PLEKHA5: variants seen among roughly 807,000 people sequenced by gnomAD.
The protein encoded by PLEKHA5 is pleckstrin homology domain-containing family A member 5.
In PLEKHA5, 55 loss-of-function variants were observed where a neutral mutation model predicts 181.9. The ratio of observed to expected loss-of-function variants is 0.30; its 90% CI spans 0.24 to 0.38. The LOEUF is 0.38. Among genes scored for constraint, PLEKHA5 ranks in the 10% least tolerant of loss-of-function variants. PLEKHA5 has a pLI of 1.00. For synonymous variants in PLEKHA5, 535 were observed against 529.4 expected, an observed-to-expected ratio of 1.01 and a Z score of -0.15; for missense variants, 1,432 against 1,549.5, an observed-to-expected ratio of 0.92 and a Z score of 1.27.
intron 3 of PLEKHA5, among the ~76,000 whole-genome samples, chr12:19,145,788 A>T (rs1186125051): frequency 6.6e-6 from 1 of 152,102 alleles, no homozygotes; most frequent in African/African-American, 2.4e-5. Context: ...TAAAACAACT[A>T]TTTAGATGTG....
At chr12:19,183,095 A>G (rs747363534) in intron 3 of PLEKHA5, among the ~76,000 whole-genome samples, 1 of 152,254 alleles carries the variant, frequency 6.6e-6, no homozygotes, top group Non-Finnish European at 1.5e-5. Context: ...GTTAACTTAA[A>G]GGAGATTAAA....
rs114997786 is a variant in PLEKHA5 at position 19,282,834 on chromosome 12, C to A, written c.1314-446C>A. 6.1e-3 allele frequency among the ~76,000 whole-genome samples: 931 copies of A among 152,000 alleles called. 4 individuals are homozygous for A. The highest frequency in any genetic ancestry group is 0.021 in the African/African-American group (881 of 41,440). On this transcript the variant is annotated intron_variant, in intron 11 of 31. Coordinates refer to ENST00000429027, the MANE Select transcript of PLEKHA5 (RefSeq NM_001256470.2). Reference sequence around the variant, plus strand: ...TTATCTTGTATTAAGTGTGTTAAATCGAATTTCATTAAAAAGATTAAAATC... The same window carrying A: ...TTATCTTGTATTAAGTGTGTTAAATAGAATTTCATTAAAAAGATTAAAATC...
rs75940325 is a variant in PLEKHA5, at chr12:19,288,648, A to G, written c.1863+1092A>G. On this transcript the variant is annotated intron_variant, in intron 13 of 31. Transcript: ENST00000429027. ...TTTACACATTTAGATAAAATGAAATATTTCCTTGCTTTAAGCTTCCTGCAG... is the reference window on the plus strand; with the variant it reads ...TTTACACATTTAGATAAAATGAAATGTTTCCTTGCTTTAAGCTTCCTGCAG... Among the ~76,000 whole-genome samples, 317 of 152,328 alleles carry G rather than the reference A, an allele frequency of 2.1e-3. 1 individual carries two copies. Among genetic ancestry groups the G allele is most frequent in the Non-Finnish European group, 3.6e-3 (244 of 68,030 alleles).
Position 19,361,599 on chromosome 12 carries a change from C to T in PLEKHA5, c.3501C>T (p.Asn1167=). Residue 1167 remains asparagine, a synonymous_variant, in exon 29 of 32, where the codon AAC becomes AAT. Transcript: ENST00000429027. ...TTCTACAGTTAAAAAAAACTGAAAACATTTCATATGAAATGCTTTTTGAAC... is the reference window on the plus strand; with the variant it reads ...TTCTACAGTTAAAAAAAACTGAAAATATTTCATATGAAATGCTTTTTGAAC... ...DFSKELKKTE[N]ISYEMLFEPE... 1 of 1,502,926 alleles carries T rather than the reference C, an allele frequency of 6.7e-7. No homozygotes were observed. Among genetic ancestry groups the T allele is most frequent in the Non-Finnish European group, 9.1e-7 (1 of 1,095,014 alleles). The allele number at this position is 1,502,926 out of a possible 1,614,324, so 93.1% of individuals were successfully genotyped here. A position where few individuals can be genotyped will look rare whatever the true frequency, so the allele number is the denominator to read the frequency against.
chr12:19,206,254 A>G (rs2055468137), intron 3 of PLEKHA5, among the ~76,000 whole-genome samples: 1 of 152,004 alleles, frequency 6.6e-6, no homozygotes, highest in African/African-American at 2.4e-5. Context: ...CGATATTTTT[A>G]TGCGTTTTCT....
intron 3 of PLEKHA5, among the ~76,000 whole-genome samples, chr12:19,236,769 G>T (rs2152420890): frequency 6.6e-6 from 1 of 152,232 alleles, no homozygotes; most frequent in East Asian, 1.9e-4. Context: ...TGGCTGGAAG[G>T]CATGCATAAT....
At chr12:19,303,788 G>GT (rs1212102575) in intron 15 of PLEKHA5, 4 of 105,020 alleles carry the variant, frequency 3.8e-5, no homozygotes, top group African/African-American at 9.5e-5. Context: ...TTTTGTTTTT[G>GT]TTTTTTTAAG....
intron 20 of PLEKHA5, among the ~76,000 whole-genome samples, chr12:19,325,875 C>T (rs2091973550): frequency 1.3e-5 from 2 of 150,944 alleles, no homozygotes; most frequent in African/African-American, 2.4e-5. Context: ...GGCATGGTGG[C>T]GCATGCCTGT....
chr12:19,223,116 G>A (rs1230521145), intron 3 of PLEKHA5, among the ~76,000 whole-genome samples: 2 of 150,752 alleles, frequency 1.3e-5, no homozygotes, highest in African/African-American at 2.4e-5. Context: ...ATGTTGCTGA[G>A]TGCCTCCCGC....
intron 29 of PLEKHA5, among the ~76,000 whole-genome samples, chr12:19,363,067 G>A (rs2095308175): frequency 6.6e-6 from 1 of 151,932 alleles, no homozygotes; most frequent in Non-Finnish European, 1.5e-5. Context: ...TGTCTCATAA[G>A]AGTTCCAGAA....
At chr12:19,366,355 T>G (rs767564437) in intron 30 of PLEKHA5, among the ~76,000 whole-genome samples, 35 of 152,096 alleles carry the variant, frequency 2.3e-4, no homozygotes, top group Non-Finnish European at 4.6e-4. Flanking sequence ...AGAGTAAACT[T>G]TTTCTAATAA....
chr12:19,309,071 GAAA>G (rs1234615013), intron 15 of PLEKHA5, among the ~76,000 whole-genome samples: 4 of 151,514 alleles, frequency 2.6e-5, no homozygotes, highest in Non-Finnish European at 5.9e-5. Context: ...CAAAAAAAAA[GAAA>G]AAAAGAGAAA....
intron 26 of PLEKHA5, among the ~76,000 whole-genome samples, chr12:19,357,129 G>C (rs182279549): frequency 2.0e-5 from 3 of 151,978 alleles, no homozygotes; most frequent in Non-Finnish European, 4.4e-5. Flanking sequence ...TTTAGACACT[G>C]TGCCCCTGCT....
intron 29 of PLEKHA5, 31 bp downstream of exon 29, chr12:19,361,737 C>A: frequency 6.4e-7 from 1 of 1,566,384 alleles, no homozygotes; most frequent in South Asian, 1.2e-5. Flanking sequence ...AGGAATCATT[C>A]ACAAAACTGT....
chr12:19,137,642 TC>T (rs1244986678), intron 3 of PLEKHA5, among the ~76,000 whole-genome samples: 2 of 152,192 alleles, frequency 1.3e-5, no homozygotes, highest in Non-Finnish European at 2.9e-5. Context: ...AGCATTAAAC[TC>T]CTATAATCCT....
rs111866546 is a variant in PLEKHA5, at chr12:19,301,073, C to T, written c.2037+9376C>T. Among the ~76,000 whole-genome samples the T allele has an allele frequency of 2.0e-5, 3 of 152,000 alleles. 1 individual carries two copies. The highest frequency in any genetic ancestry group is 7.2e-5 in the African/African-American group (3 of 41,442). Reference sequence around the variant, plus strand: ...CCTGAGGCAGGAGAATCTCTTTTACCCAGGAGGCGGAGGTCATGGTGAGCC... The same window carrying T: ...CCTGAGGCAGGAGAATCTCTTTTACTCAGGAGGCGGAGGTCATGGTGAGCC... On this transcript the variant is annotated intron_variant, in intron 15 of 31. Transcript: ENST00000429027.
In PLEKHA5 at chr12:19,269,997, A is replaced by AT. The variant is rs912731998; in HGVS notation, c.827+118dup. The AT allele has an allele frequency of 6.6e-5, 44 of 665,558 alleles. No individual in the cohort carries two copies. The African/African-American group carries it at 7.7e-4, about 12-fold the overall frequency. 41.2% of individuals were successfully genotyped at this position (665,558 alleles called of 1,614,324 possible). On this transcript the variant is annotated intron_variant, in intron 9 of 31. Transcript: ENST00000429027. ...ATTTTAATAGTCATGGTATGAAATCATTTTTTCCTCAGAAAGCAAGGATCA... is the reference window on the plus strand; with the variant it reads ...ATTTTAATAGTCATGGTATGAAATCATTTTTTTCCTCAGAAAGCAAGGATCA...
At chr12:19,232,153 C>T (rs190943269) in intron 3 of PLEKHA5, among the ~76,000 whole-genome samples, 82 of 152,246 alleles carry the variant, frequency 5.4e-4, no homozygotes, top group African/African-American at 1.9e-3. Context: ...TTAGTCCAGT[C>T]TCCATGAGTA....
At chr12:19,253,424 C>A (rs2065945205) in intron 3 of PLEKHA5, among the ~76,000 whole-genome samples, 1 of 151,960 alleles carries the variant, frequency 6.6e-6, no homozygotes, top group South Asian at 2.1e-4. Context: ...TGAGGCCAGA[C>A]TGAGAAGGGA....
Sources: gnomAD v4.1 joint callset for allele counts (sites outside exome capture counted in the v4.1 genomes callset) on GRCh38, gnomAD v4.1.1 for gene constraint, MANE v1.5 for transcripts, NCBI Gene and HGNC (gene_info 2026-07-23, HGNC 2026-07-21) for gene names.